ADCY8: variants seen among roughly 807,000 people sequenced by gnomAD.
The protein encoded by ADCY8 is adenylate cyclase 8.
Under a neutral mutation model 119.7 loss-of-function variants are expected in ADCY8, and 51 were observed. The observed-to-expected ratio is 0.43, with a 90% CI of 0.34 to 0.54. The LOEUF is 0.54. Ranked by LOEUF, ADCY8 falls within the 20% of genes least tolerant of loss-of-function variation. The pLI is 0.03. For synonymous variants in ADCY8, 665 were observed against 651.0 expected, an observed-to-expected ratio of 1.02 and a Z score of -0.33; for missense variants, 1,383 against 1,598.8, an observed-to-expected ratio of 0.87 and a Z score of 2.30.
chr8:131,035,339 G>A (rs1454831301), intron 1 of ADCY8, among the ~76,000 whole-genome samples: 2 of 152,110 alleles, frequency 1.3e-5, no homozygotes, highest in Admixed American at 1.3e-4. Context: ...CGGTCTTTCC[G>A]ATGCCACTCC....
chr8:130,923,858 T>G (rs1330282499), intron 5 of ADCY8, among the ~76,000 whole-genome samples: 1 of 152,262 alleles, frequency 6.6e-6, no homozygotes, highest in Non-Finnish European at 1.5e-5. Context: ...GTTTCTAAAA[T>G]TAAGTATTTT....
intron 5 of ADCY8, among the ~76,000 whole-genome samples, chr8:130,936,787 T>A (rs56250014): frequency 0.091 from 13,848 of 152,270 alleles, 681 homozygotes; most frequent in African/African-American, 0.1. Flanking sequence ...GTAACATCCC[T>A]GAAGGTAAGG....
At chr8:130,913,804 A>G (rs937180625) in intron 5 of ADCY8, among the ~76,000 whole-genome samples, 1 of 152,166 alleles carries the variant, frequency 6.6e-6, no homozygotes, top group African/African-American at 2.4e-5. Flanking sequence ...TGTTTTCCTT[A>G]TTACACTGTT....
intron 1 of ADCY8, among the ~76,000 whole-genome samples, chr8:131,017,292 AC>A (rs1369403400): frequency 2.0e-5 from 3 of 151,960 alleles, no homozygotes; most frequent in Non-Finnish European, 4.4e-5. Context: ...CTGGTCTCGA[AC>A]TTTTGATCTC....
At chr8:130,932,771 A>G (rs1820669102) in intron 5 of ADCY8, among the ~76,000 whole-genome samples, 2 of 152,162 alleles carry the variant, frequency 1.3e-5, no homozygotes. Flanking sequence ...ACCCTCTTTG[A>G]AACCTGCCAA....
intron 5 of ADCY8, among the ~76,000 whole-genome samples, chr8:130,911,854 A>T (rs1418226453): frequency 2.6e-5 from 4 of 152,142 alleles, no homozygotes; most frequent in Non-Finnish European, 4.4e-5. Flanking sequence ...GGATCAAAAT[A>T]TTTAGATACT....
chr8:130,814,042 C>T (rs745848176), intron 14 of ADCY8, 27 bp downstream of exon 14: 27 of 1,613,034 alleles, frequency 1.7e-5, no homozygotes, highest in African/African-American at 2.7e-5. Context: ...CACCCTTTCT[C>T]ACTGGCTAGA....
At chr8:130,972,272 G>C (rs1381026547) in intron 2 of ADCY8, among the ~76,000 whole-genome samples, 1 of 152,150 alleles carries the variant, frequency 6.6e-6, no homozygotes, top group Non-Finnish European at 1.5e-5. Context: ...CAACTGATGA[G>C]GTAGCTGTGA....
chr8:130,915,991 A>T (rs529307465), intron 5 of ADCY8, among the ~76,000 whole-genome samples: 1 of 152,312 alleles, frequency 6.6e-6, no homozygotes, highest in African/African-American at 2.4e-5. Context: ...GAGGTCAACT[A>T]CGTTCATTGC....
At chr8:130,962,661 T>G (rs1563746950) in intron 2 of ADCY8, among the ~76,000 whole-genome samples, 1 of 152,212 alleles carries the variant, frequency 6.6e-6, no homozygotes, top group African/African-American at 2.4e-5. Flanking sequence ...TGCAAATGCT[T>G]ATAGCAGTGA....
intron 7 of ADCY8, among the ~76,000 whole-genome samples, chr8:130,888,922 A>G (rs1380309486): frequency 6.6e-6 from 1 of 152,114 alleles, no homozygotes; most frequent in Non-Finnish European, 1.5e-5. Flanking sequence ...CTTCCCAGCA[A>G]GACTGCAGGC....
intron 2 of ADCY8, among the ~76,000 whole-genome samples, chr8:130,963,113 C>CTT (rs764620332): frequency 7.7e-5 from 10 of 130,356 alleles, no homozygotes; most frequent in Non-Finnish European, 8.4e-5. Context: ...GTTTTTCTTT[C>CTT]TTTTTTTTTT....
chr8:130,908,047 T>C (rs1010983365), intron 6 of ADCY8, among the ~76,000 whole-genome samples: 75 of 152,356 alleles, frequency 4.9e-4, no homozygotes, highest in African/African-American at 1.8e-3. Context: ...TTCAGCTGCA[T>C]CCATGTTGCT....
At chr8:130,811,634 C>A (rs1042216343) in intron 14 of ADCY8, among the ~76,000 whole-genome samples, 2 of 152,202 alleles carry the variant, frequency 1.3e-5, no homozygotes, top group Non-Finnish European at 2.9e-5. Flanking sequence ...TTAGCTTTCC[C>A]AAGTTAAATG....
intron 2 of ADCY8, among the ~76,000 whole-genome samples, chr8:130,964,873 G>A (rs541854218): frequency 8.5e-5 from 13 of 152,206 alleles, no homozygotes; most frequent in East Asian, 3.9e-4. Context: ...ATTCTTACTC[G>A]TGTGAGATAG....
At chr8:130,945,448 A>T (rs1821080513) in intron 3 of ADCY8, among the ~76,000 whole-genome samples, 1 of 152,198 alleles carries the variant, frequency 6.6e-6, no homozygotes, top group African/African-American at 2.4e-5. Context: ...ATCTGGGTTC[A>T]AATCTTAGCT....
intron 3 of ADCY8, among the ~76,000 whole-genome samples, chr8:130,945,499 C>G (rs1821081372): frequency 1.3e-5 from 2 of 152,216 alleles, no homozygotes; most frequent in South Asian, 4.1e-4. Flanking sequence ...ACTTCCTGAA[C>G]TTCTGTAAGC....
intron 11 of ADCY8, among the ~76,000 whole-genome samples, chr8:130,846,888 T>TTCCTTCCTTCCTGCCTGCCTGCCTTCC (rs56726941): frequency 5.0e-5 from 1 of 19,834 alleles, no homozygotes; most frequent in African/African-American, 2.5e-4. Flanking sequence ...TTCCCTTCCC[T>TTCCTTCCTTCCTGCCTGCCTGCCTTCC]TTCCTTCCTT....
rs1822071177 is a variant in ADCY8, at chr8:130,976,325, G to C, written c.1110+14068C>G. Among the ~76,000 whole-genome samples the C allele has an allele frequency of 1.3e-5, 2 of 152,144 alleles. 1 individual carries two copies. The highest frequency in any genetic ancestry group is 4.2e-4 in the South Asian group (2 of 4,818). ...TAACCATCATTGGCTTGATGATAAG[G>C]GCACTTGTGATAAAGCAAACTGTAT... On this transcript the variant is annotated intron_variant, in intron 2 of 17. Coordinates refer to ENST00000286355, the MANE Select transcript of ADCY8 (RefSeq NM_001115.3).
Sources: gnomAD v4.1 joint callset for allele counts (sites outside exome capture counted in the v4.1 genomes callset) on GRCh38, gnomAD v4.1.1 for gene constraint, MANE v1.5 for transcripts, NCBI Gene and HGNC (gene_info 2026-07-23, HGNC 2026-07-21) for gene names.